Variants in ATP10A observed in about 807,000 individuals in gnomAD.
The protein encoded by ATP10A is ATPase phospholipid transporting 10A (putative).
ATP10A carries 111 observed loss-of-function variants against 147.8 expected under a neutral mutation model. That is an observed-to-expected ratio of 0.75 (90% CI 0.64 to 0.88). The LOEUF (loss-of-function observed/expected upper bound fraction) is 0.88. Among genes scored for constraint, ATP10A ranks in the 40% least tolerant of loss-of-function variants. ATP10A has a pLI of 0.00. For missense variants in ATP10A, 1,927 were observed against 1,959.0 expected (o/e 0.98, Z 0.31); for synonymous variants, 875 against 841.6 (o/e 1.04, Z -0.69).
intron 1 of ATP10A, among the ~76,000 whole-genome samples, chr15:25,800,939 G>T (rs538944778): frequency 6.6e-6 from 1 of 152,172 alleles, no homozygotes; most frequent in Non-Finnish European, 1.5e-5. Context: ...TGATGAACCC[G>T]CTGTACTAGA....
At chr15:25,691,868 T>C (rs1596692039) in intron 14 of ATP10A, 77 bp from the exon 15 acceptor site, 26 of 1,571,788 alleles carry the variant, frequency 1.7e-5, no homozygotes, top group Non-Finnish European at 2.3e-5. Context: ...TAGATTTTCT[T>C]GGGAGTCCCC....
intron 1 of ATP10A, among the ~76,000 whole-genome samples, chr15:25,847,688 A>C (rs1160684184): frequency 2.4e-5 from 3 of 124,184 alleles, no homozygotes; most frequent in Non-Finnish European, 4.7e-5. Flanking sequence ...GCTGGAGTGC[A>C]GTAGTGCAAT....
rs1354477919 is a variant in ATP10A, at chr15:25,787,033, C to G, written c.450-5810G>C. Among the ~76,000 whole-genome samples, 3 of 152,040 alleles carry G rather than the reference C, an allele frequency of 2.0e-5. No individual in the cohort carries two copies. In the East Asian group the frequency reaches 5.8e-4, roughly 29 times the overall value. ...GCCTGCACAGAACATTTCACAGTCTCTCTCAGTGAACCCTCCCACGATCCT... is the reference window on the plus strand; with the variant it reads ...GCCTGCACAGAACATTTCACAGTCTGTCTCAGTGAACCCTCCCACGATCCT... On this transcript the variant is annotated intron_variant, in intron 1 of 20. Coordinates refer to ENST00000555815, the MANE Select transcript of ATP10A (RefSeq NM_024490.4).
At chr15:25,713,592 C>T (rs1901571063) in intron 10 of ATP10A, 82 bp downstream of exon 10, 12 of 1,341,118 alleles carry the variant, frequency 8.9e-6, no homozygotes, top group Non-Finnish European at 1.2e-5. Flanking sequence ...AATCACTTTA[C>T]TCAAGAGAAG....
chr15:25,701,154 T>C (rs1301414347), intron 13 of ATP10A, among the ~76,000 whole-genome samples: 2 of 151,988 alleles, frequency 1.3e-5, no homozygotes, highest in African/African-American at 2.4e-5. Flanking sequence ...CGCTTACAGA[T>C]GGAGTGAGAG....
intron 1 of ATP10A, among the ~76,000 whole-genome samples, chr15:25,819,533 A>T (rs532456246): frequency 2.0e-5 from 3 of 152,264 alleles, no homozygotes; most frequent in Admixed American, 1.3e-4. Context: ...AAAGAACTAG[A>T]AATGGAACTG....
In ATP10A at chr15:25,720,187, A is replaced by G. The variant is rs1040229318; in HGVS notation, c.1363+1470T>C. Among the ~76,000 whole-genome samples the G allele has an allele frequency of 2.6e-5, 4 of 152,174 alleles. No homozygotes were observed. In the South Asian group the frequency reaches 8.3e-4, roughly 32 times the overall value. On this transcript the variant is annotated intron_variant, in intron 7 of 20. Coordinates refer to ENST00000555815, the MANE Select transcript of ATP10A (RefSeq NM_024490.4). ...TTAAATGTATTATTATTATTAATGGATAAATCAGTACTGTATACATTCATG... is the reference window on the plus strand; with the variant it reads ...TTAAATGTATTATTATTATTAATGGGTAAATCAGTACTGTATACATTCATG...
chr15:25,739,660 T>G (rs1406362488), intron 2 of ATP10A, among the ~76,000 whole-genome samples: 1 of 152,174 alleles, frequency 6.6e-6, no homozygotes, highest in Non-Finnish European at 1.5e-5. Flanking sequence ...CCTCTGCATC[T>G]CTGCTGCAGC....
chr15:25,721,628 G>A (rs1274574663), intron 7 of ATP10A, 29 bp downstream of exon 7: 4 of 1,599,308 alleles, frequency 2.5e-6, no homozygotes, highest in Non-Finnish European at 2.6e-6. Flanking sequence ...GTTCAGCCTG[G>A]GTTGGGAGCC....
rs114333356 is a variant in ATP10A at position 25,718,224 on chromosome 15, C to T, written c.1539G>A (p.Arg513=). The T allele has an allele frequency of 6.2e-7, 1 of 1,613,064 alleles. No individual in the cohort carries two copies. The highest frequency in any genetic ancestry group is 8.5e-7 in the Non-Finnish European group (1 of 1,180,006). ...CCGTGTGCTTGGACAGCATGCTGGC[C>T]CTCTTGGCCTCGGCCCGGCTGCCCG... ...RRTGSRAEAK[R]ASMLSKHTAF... is the part of the protein sequence containing the mutation. Residue 513 remains arginine, a synonymous_variant, in exon 8 of 21, where the codon AGG becomes AGA. Coordinates refer to ENST00000555815, the MANE Select transcript of ATP10A (RefSeq NM_024490.4).
In ATP10A at chr15:25,718,415, G is replaced by A. The variant is rs1257583533; in HGVS notation, c.1364-16C>T. ...AGACGCTGCGCTGCGGGGAGAGGGC[G>A]CAGGGTGAGGCATCATGGGGGAAGG... On this transcript the variant is annotated splice_polypyrimidine_tract_variant and intron_variant, in intron 7 of 20. Coordinates refer to ENST00000555815, the MANE Select transcript of ATP10A (RefSeq NM_024490.4). The A allele has an allele frequency of 3.2e-6, 5 of 1,570,920 alleles. No homozygotes were observed. The highest frequency in any genetic ancestry group is 2.3e-5 in the East Asian group (1 of 43,502).
At position 25,811,736 on chromosome 15, in the gene ATP10A, A is replaced by G. The variant is rs1362057694; in HGVS notation, c.450-30513T>C. 3.9e-5 allele frequency among the ~76,000 whole-genome samples: 6 copies of G among 152,182 alleles called. No homozygotes were observed. The East Asian group carries it at 9.6e-4, about 24-fold the overall frequency. ...GGCGTCAAGAGTCCAGGGACCATGC[A>G]TGGTGGTTTATCAGTGGCAAGGAGA... On this transcript the variant is annotated intron_variant, in intron 1 of 20. Coordinates refer to ENST00000555815, the MANE Select transcript of ATP10A (RefSeq NM_024490.4).
chr15:25,720,168 GTAT>G (rs990365638), intron 7 of ATP10A, among the ~76,000 whole-genome samples: 4 of 152,086 alleles, frequency 2.6e-5, no homozygotes, highest in African/African-American at 7.2e-5. Flanking sequence ...TCTTTTAAAT[GTAT>G]TATTATTATT....
intron 1 of ATP10A, among the ~76,000 whole-genome samples, chr15:25,811,833 G>A (rs1891446951): frequency 1.3e-5 from 2 of 152,234 alleles, no homozygotes; most frequent in South Asian, 2.1e-4. Flanking sequence ...CTCCCATCAC[G>A]CACCTGTCCA....
intron 12 of ATP10A, among the ~76,000 whole-genome samples, chr15:25,702,659 TAAA>T (rs1285577294): frequency 2.6e-5 from 4 of 152,118 alleles, no homozygotes; most frequent in Admixed American, 1.3e-4. Context: ...TCCACAAACA[TAAA>T]GAAGTTGAGA....
At chr15:25,724,600 T>G (rs572879324) in intron 5 of ATP10A, among the ~76,000 whole-genome samples, 1 of 152,344 alleles carries the variant, frequency 6.6e-6, no homozygotes, top group East Asian at 1.9e-4. Context: ...TAGCCCTACA[T>G]GGAACCTAAC....
intron 2 of ATP10A, 50 bp from the exon 3 acceptor site, chr15:25,736,191 C>A (rs543041672): frequency 1.3e-6 from 2 of 1,526,964 alleles, no homozygotes; most frequent in Admixed American, 3.4e-5. Context: ...CAGGCTGCGC[C>A]GTTCTAAAAG....
At chr15:25,711,805 G>A (rs113629977) in intron 10 of ATP10A, among the ~76,000 whole-genome samples, 606 of 152,290 alleles carry the variant, frequency 4.0e-3, no homozygotes, top group Admixed American at 6.3e-3. Context: ...CCACGCTGAC[G>A]ATGCCAGGTC....
chr15:25,719,653 C>T (rs1224375163), intron 7 of ATP10A, among the ~76,000 whole-genome samples: 2 of 151,980 alleles, frequency 1.3e-5, no homozygotes, highest in Non-Finnish European at 1.5e-5. Flanking sequence ...GTGGGGGCCA[C>T]GGCTGGTATG....
Sources: allele counts gnomAD v4.1 joint callset (sites outside exome capture counted in the v4.1 genomes callset), GRCh38; gene constraint gnomAD v4.1.1; transcripts MANE v1.5; gene names NCBI Gene and HGNC (gene_info 2026-07-23, HGNC 2026-07-21).